Variants in HIBADH observed in about 807,000 individuals in gnomAD.
HIBADH encodes the protein 3-hydroxyisobutyrate dehydrogenase, mitochondrial.
A neutral mutation model predicts 36.1 loss-of-function variants in HIBADH; 25 were observed. The ratio of observed to expected loss-of-function variants is 0.69; its 90% confidence interval spans 0.50 to 0.97. The LOEUF is 0.97. Ranked by LOEUF, HIBADH falls within the 50% of genes least tolerant of loss-of-function variation. The pLI is 0.00. For synonymous variants in HIBADH, 160 were observed against 149.5 expected, an observed-to-expected ratio of 1.07 and a Z score of -0.51; for missense variants, 421 against 418.0, an observed-to-expected ratio of 1.01 and a Z score of -0.06.
intron 6 of HIBADH, among the ~76,000 whole-genome samples, chr7:27,536,210 A>G (rs1231910675): frequency 6.6e-6 from 1 of 152,176 alleles, no homozygotes; most frequent in Non-Finnish European, 1.5e-5. Context: ...CAATAGCAGA[A>G]GCATTCATTT....
At chr7:27,643,699 ACT>A (rs948821243) in intron 2 of HIBADH, among the ~76,000 whole-genome samples, 13 of 152,164 alleles carry the variant, frequency 8.5e-5, no homozygotes, top group Admixed American at 2.0e-4. Flanking sequence ...ACAGAAATTT[ACT>A]CTCTCACAGC....
chr7:27,580,864 G>GA (rs529257653), intron 4 of HIBADH, among the ~76,000 whole-genome samples: 54 of 152,294 alleles, frequency 3.5e-4, no homozygotes, highest in African/African-American at 1.3e-3. Flanking sequence ...GATCAAAGCA[G>GA]AAGTAGAAAG....
intron 1 of HIBADH, among the ~76,000 whole-genome samples, chr7:27,660,257 T>C (rs1033171050): frequency 3.9e-5 from 6 of 152,372 alleles, no homozygotes; most frequent in Non-Finnish European, 7.3e-5. Flanking sequence ...CTTAATGTCA[T>C]TTGACTCCAA....
At chr7:27,662,650 G>T in intron 1 of HIBADH, 48 bp downstream of exon 1, 1 of 1,158,560 alleles carries the variant, frequency 8.6e-7, no homozygotes, top group Non-Finnish European at 1.1e-6. Flanking sequence ...GACAGAAGAA[G>T]CGAGCGGCCG....
intron 2 of HIBADH, among the ~76,000 whole-genome samples, chr7:27,646,844 C>T (rs576718468): frequency 4.6e-5 from 7 of 151,974 alleles, no homozygotes; most frequent in Middle Eastern, 3.4e-3. Context: ...CACAGACACA[C>T]GCCACCGCGC....
intron 6 of HIBADH, among the ~76,000 whole-genome samples, chr7:27,534,651 A>G (rs897469687): frequency 6.6e-6 from 1 of 152,174 alleles, no homozygotes; most frequent in African/African-American, 2.4e-5. Context: ...TATGGCAATG[A>G]GTAAACAAAC....
intron 1 of HIBADH, among the ~76,000 whole-genome samples, chr7:27,651,826 C>G (rs569230080): frequency 1.6e-4 from 25 of 152,222 alleles, no homozygotes; most frequent in African/African-American, 5.8e-4. Context: ...TAAACACTAA[C>G]ATAAGACAGT....
chr7:27,652,867 G>A (rs752406928), intron 1 of HIBADH, among the ~76,000 whole-genome samples: 22 of 152,178 alleles, frequency 1.4e-4, no homozygotes, highest in African/African-American at 1.9e-4. Flanking sequence ...AGCGGCTCAC[G>A]CCTGTAATCC....
intron 4 of HIBADH, among the ~76,000 whole-genome samples, chr7:27,563,889 T>C (rs555465921): frequency 1.0e-3 from 144 of 141,958 alleles, no homozygotes; most frequent in African/African-American, 3.7e-3. Flanking sequence ...GAGGAGAAGT[T>C]TGTTAATTTT....
At chr7:27,645,022 T>C (rs1267480680) in intron 2 of HIBADH, among the ~76,000 whole-genome samples, 2 of 152,328 alleles carry the variant, frequency 1.3e-5, no homozygotes, top group African/African-American at 4.8e-5. Flanking sequence ...ATAATCATCA[T>C]TGTATGGATA....
At chr7:27,582,552 T>G (rs1161562724) in intron 4 of HIBADH, among the ~76,000 whole-genome samples, 3 of 152,144 alleles carry the variant, frequency 2.0e-5, no homozygotes, top group Non-Finnish European at 4.4e-5. Context: ...TTGTAATAGT[T>G]CACTCCCACT....
At chr7:27,626,623 T>C (rs1464607076) in intron 4 of HIBADH, among the ~76,000 whole-genome samples, 1 of 152,084 alleles carries the variant, frequency 6.6e-6, no homozygotes, top group Non-Finnish European at 1.5e-5. Flanking sequence ...TACCAGGAAG[T>C]AGGGGGAAAC....
chr7:27,581,925 GT>G (rs1340748461), intron 4 of HIBADH, among the ~76,000 whole-genome samples: 1 of 151,590 alleles, frequency 6.6e-6, no homozygotes, highest in African/African-American at 2.4e-5. Context: ...AAAAAATATA[GT>G]ACTTGATTTT....
At chr7:27,652,751 G>C (rs12671723) in intron 1 of HIBADH, among the ~76,000 whole-genome samples, 1 of 151,936 alleles carries the variant, frequency 6.6e-6, no homozygotes, top group African/African-American at 2.4e-5. Flanking sequence ...CTGTACAACA[G>C]CACTAATCCT....
chr7:27,587,805 A>G (rs1340092701), intron 4 of HIBADH, among the ~76,000 whole-genome samples: 1 of 152,244 alleles, frequency 6.6e-6, no homozygotes, highest in African/African-American at 2.4e-5. Flanking sequence ...TCCAAGGTAC[A>G]GCTGTAATTC....
At position 27,531,394 on chromosome 7, in the gene HIBADH, C is replaced by T. The variant is rs141244757; in HGVS notation, c.696-46G>A. The stretch of plus-strand genomic sequence containing the variant: ...GAAGTGTTAAGTGTCAAAATGTACA[C>T]GTCGTGCGTGACTTATTTATGTATG... On this transcript the variant is annotated intron_variant, in intron 6 of 7. Coordinates refer to ENST00000265395, the MANE Select transcript of HIBADH (RefSeq NM_152740.4). 8.8e-5 allele frequency: 136 copies of T among 1,540,040 alleles called. No homozygotes were observed. In the East Asian group the frequency reaches 2.8e-3, roughly 32 times the overall value.
chr7:27,629,549 A>C (rs1016621666), intron 3 of HIBADH, 57 bp from the exon 4 acceptor site: 2 of 1,248,308 alleles, frequency 1.6e-6, no homozygotes, highest in Non-Finnish European at 2.2e-6. Context: ...AATTTCATGC[A>C]ACTACCTACA....
intron 1 of HIBADH, among the ~76,000 whole-genome samples, chr7:27,661,585 CAAAAAAA>C (rs61214015): frequency 4.4e-5 from 3 of 68,742 alleles, no homozygotes; most frequent in South Asian, 6.8e-4. Flanking sequence ...GACCCTGTCT[CAAAAAAA>C]AAAAAAAAAA....
intron 4 of HIBADH, among the ~76,000 whole-genome samples, chr7:27,621,964 C>T (rs539330188): frequency 1.2e-4 from 18 of 152,190 alleles, no homozygotes; most frequent in Middle Eastern, 3.4e-3. Context: ...AAAGGCTGGG[C>T]ACCATGACTC....
Sources: allele counts gnomAD v4.1 joint callset (sites outside exome capture counted in the v4.1 genomes callset), GRCh38; gene constraint gnomAD v4.1.1; transcripts MANE v1.5; gene names NCBI Gene and HGNC (gene_info 2026-07-23, HGNC 2026-07-21).